The following SERPINB8 variants were observed in gnomAD, a reference collection of about 807,000 sequenced individuals.
The protein encoded by SERPINB8 is serpin family B member 8.
A neutral mutation model predicts 35.3 loss-of-function variants in SERPINB8; 25 were observed. That is an observed-to-expected ratio of 0.71 (90% confidence interval 0.52 to 0.99). The LOEUF is 0.99. SERPINB8 is among the 50% of genes least tolerant of loss of function. SERPINB8 has a pLI of 0.00. For missense variants in SERPINB8, 484 were observed against 446.5 expected, an observed-to-expected ratio of 1.08 and a Z score of -0.76; for synonymous variants, 186 against 160.8, an observed-to-expected ratio of 1.16 and a Z score of -1.19.
downstream of SERPINB8, among the ~76,000 whole-genome samples, chr18:64,007,862 C>T (rs1388849843): frequency 2.0e-5 from 3 of 152,096 alleles, no homozygotes; most frequent in African/African-American, 4.8e-5. Flanking sequence ...GAGATTTGGG[C>T]GGGAACACAG....
intron 3 of SERPINB8, among the ~76,000 whole-genome samples, chr18:63,981,093 A>G (rs749139229): frequency 1.3e-5 from 2 of 152,252 alleles, no homozygotes; most frequent in Non-Finnish European, 2.9e-5. Context: ...ACTCACATGT[A>G]CACATGTGCA....
chr18:64,012,913 G>A (rs2050932238), intron 7 of SERPINB8, among the ~76,000 whole-genome samples: 1 of 152,114 alleles, frequency 6.6e-6, no homozygotes, highest in Admixed American at 6.5e-5. Context: ...TGTTGCGCAG[G>A]CAAAGAAGCC....
chr18:64,001,734 G>C (rs1398524896), intron 1 of SERPINB8, among the ~76,000 whole-genome samples: 1 of 152,092 alleles, frequency 6.6e-6, no homozygotes. Flanking sequence ...TGATCCGCCT[G>C]CCTCAGCCTC....
At chr18:63,994,025 C>T (rs1287650649), downstream of SERPINB8, among the ~76,000 whole-genome samples, 1 of 152,132 alleles carries the variant, frequency 6.6e-6, no homozygotes, top group East Asian at 1.9e-4. Context: ...GCACTCAGTA[C>T]TTTTCCACTT....
chr18:64,002,283 T>C (rs2050879293), intron 1 of SERPINB8, among the ~76,000 whole-genome samples: 2 of 152,128 alleles, frequency 1.3e-5, no homozygotes, highest in African/African-American at 4.8e-5. Flanking sequence ...GCTCTGTATA[T>C]GGGGTCAGGA....
intron 7 of SERPINB8, among the ~76,000 whole-genome samples, chr18:64,014,996 T>TC (rs1172609150): frequency 2.6e-5 from 4 of 152,196 alleles, no homozygotes. Context: ...TTCTCCTATC[T>TC]ATAATGTTTA....
At chr18:64,009,618 T>C (rs2050916560), downstream of SERPINB8, among the ~76,000 whole-genome samples, 1 of 152,214 alleles carries the variant, frequency 6.6e-6, no homozygotes, top group African/African-American at 2.4e-5. Flanking sequence ...TGTAGTGTGC[T>C]GGGAAAACTG....
At chr18:63,989,929 C>A (rs2050813714), downstream of SERPINB8, among the ~76,000 whole-genome samples, 1 of 94,292 alleles carries the variant, frequency 1.1e-5, no homozygotes, top group African/African-American at 4.5e-5. Flanking sequence ...GGCGACAGAG[C>A]GAGACTCTGT....
At chr18:63,984,412 A>G (rs1361834461) in intron 5 of SERPINB8, among the ~76,000 whole-genome samples, 1 of 152,198 alleles carries the variant, frequency 6.6e-6, no homozygotes, top group African/African-American at 2.4e-5. Flanking sequence ...TTAAAAGTCA[A>G]AGTTATACAA....
chr18:63,985,255 A>G lies in SERPINB8; in HGVS notation c.720+10A>G. ...CACGGACCTCGCCGTGGTAAGCTCC[A>G]GGCAATGAGCCTGAGTATCTGTGGA... On this transcript the variant is annotated intron_variant, in intron 6 of 6. Transcript: ENST00000397985. 6.2e-7 allele frequency: 1 copy of G among 1,613,912 alleles called. No homozygotes were observed.
intron 1 of SERPINB8, among the ~76,000 whole-genome samples, chr18:64,000,473 T>C (rs1030774474): frequency 6.6e-6 from 1 of 152,170 alleles, no homozygotes; most frequent in Non-Finnish European, 1.5e-5. Context: ...ATTACAGATA[T>C]TCTACTCTTG....
chr18:63,981,100 T>A (rs1176833735), intron 3 of SERPINB8, among the ~76,000 whole-genome samples: 1 of 152,242 alleles, frequency 6.6e-6, no homozygotes, highest in African/African-American at 2.4e-5. Context: ...TGTACACATG[T>A]GCACTCATGC....
downstream of SERPINB8, among the ~76,000 whole-genome samples, chr18:64,009,108 C>CG (rs1261680328): frequency 6.6e-6 from 1 of 152,004 alleles, no homozygotes; most frequent in Admixed American, 6.5e-5. Flanking sequence ...GCTCAAAAAC[C>CG]TTAAGATTCT....
chr18:63,985,206 G>C lies in SERPINB8; in HGVS notation c.681G>C (p.Met227Ile). The stretch of plus-strand genomic sequence containing the variant: ...CCTATGTGGAAGAGGAGCTGAGCAT[G>C]GTCATTCTGCTTCCCGATGACAACA... ...ELPYVEEELS[M>I]VILLPDDNTD... The change falls in exon 6 of 7, where the codon ATG becomes ATC. Residue 227 changes from methionine to isoleucine, a missense_variant. Met to Ile is a conservative substitution (Grantham distance 10). Coordinates refer to ENST00000397985, the MANE Select transcript of SERPINB8 (RefSeq NM_002640.4). 1 of 1,614,194 alleles carries C rather than the reference G, an allele frequency of 6.2e-7. No individual in the cohort carries two copies. Among genetic ancestry groups the C allele is most frequent in the Non-Finnish European group, 8.5e-7 (1 of 1,180,038 alleles).
chr18:64,005,932 T>A (rs531082729), downstream of SERPINB8, among the ~76,000 whole-genome samples: 1 of 152,238 alleles, frequency 6.6e-6, no homozygotes, highest in Admixed American at 6.5e-5. Context: ...TCAAGCAAGG[T>A]GCCCGCTGAT....
Position 63,987,218 on chromosome 18 carries a change from C to T in SERPINB8, c.1065C>T (p.Phe355=). The change falls in exon 7 of 7, where the codon TTC becomes TTT. Residue 355 remains phenylalanine (F), a synonymous_variant. Transcript: ENST00000397985. Reference sequence around the variant, plus strand: ...TCTGTGCAGACCACCCTTTTCTTTTCTTCATCAGGCACCACAAAACCAACT... The same window carrying T: ...TCTGTGCAGACCACCCTTTTCTTTTTTTCATCAGGCACCACAAAACCAACT... ...PRFCADHPFL[F]FIRHHKTNCI... 1.9e-6 allele frequency: 3 copies of T among 1,614,134 alleles called. No individual in the cohort carries two copies. Among genetic ancestry groups the T allele is most frequent in the Non-Finnish European group, 2.5e-6 (3 of 1,180,010 alleles).
At chr18:64,008,353 C>T (rs779765306), downstream of SERPINB8, among the ~76,000 whole-genome samples, 5 of 152,116 alleles carry the variant, frequency 3.3e-5, no homozygotes, top group Non-Finnish European at 7.3e-5. Flanking sequence ...AGTGATTCTC[C>T]TGCCTCAACC....
rs1555711108 is a variant in SERPINB8, at chr18:63,970,145, G to GGCGGCGGCGGCAGCA, written c.-31_-30insGGCGGCAGCAGCGGC. 1.9e-5 allele frequency: 7 copies of GGCGGCGGCGGCAGCA among 368,614 alleles called. No individual in the cohort carries two copies. Among genetic ancestry groups the GGCGGCGGCGGCAGCA allele is most frequent in the South Asian group, 6.2e-5 (3 of 48,642 alleles). 22.8% of individuals were successfully genotyped at this position (368,614 alleles called of 1,614,324 possible). On this transcript the variant is annotated 5_prime_UTR_variant, in exon 1 of 7. Coordinates refer to ENST00000397985, the MANE Select transcript of SERPINB8 (RefSeq NM_002640.4). ...TCAAAGCAGCAGCGGCGGCGGCGGC[G>GGCGGCGGCGGCAGCA]GCGGCAGCAGCAGCAGCAGCAGGAG...
Position 63,978,334 on chromosome 18 carries a change from G to A in SERPINB8, c.26G>A (p.Gly9Asp). ...ATGGATGACCTCTGTGAAGCAAATG[G>A]CACTTTTGCCATCAGCTTATTTAAA... MDDLCEAN[G>D]TFAISLFKIL... The change falls in exon 2 of 7, where the codon GGC becomes GAC. Residue 9 changes from glycine to aspartate, a missense_variant. Transcript: ENST00000397985. 1 of 1,614,162 alleles carries A rather than the reference G, an allele frequency of 6.2e-7. No individual in the cohort carries two copies. Among genetic ancestry groups the A allele is most frequent in the Non-Finnish European group, 8.5e-7 (1 of 1,180,028 alleles).
Sources: gnomAD v4.1 joint callset for allele counts (sites outside exome capture counted in the v4.1 genomes callset) on GRCh38, gnomAD v4.1.1 for gene constraint, MANE v1.5 for transcripts, NCBI Gene and HGNC (gene_info 2026-07-23, HGNC 2026-07-21) for gene names.